CADM2: variants seen among roughly 807,000 people sequenced by gnomAD.
CADM2 encodes cell adhesion molecule 2, also known as immunoglobulin superfamily member 4D.
A neutral mutation model predicts 49.8 loss-of-function variants in CADM2; 12 were observed. The observed-to-expected ratio is 0.24, with a 90% CI of 0.15 to 0.39. The LOEUF (loss-of-function observed/expected upper bound fraction) is 0.39, where lower values mean the gene tolerates loss of function less well. Among genes scored for constraint, CADM2 ranks in the 10% least tolerant of loss-of-function variants. The pLI is 1.00. For missense variants in CADM2, 378 were observed against 492.3 expected (o/e 0.77, Z 2.20); for synonymous variants, 214 against 175.4 (o/e 1.22, Z -1.74).
At chr3:85,244,119 A>T (rs2042594552) in intron 1 of CADM2, among the ~76,000 whole-genome samples, 1 of 152,062 alleles carries the variant, frequency 6.6e-6, no homozygotes, top group Non-Finnish European at 1.5e-5. Flanking sequence ...GCCTACCCTA[A>T]ATTTGGATTT....
At chr3:85,918,517 G>A (rs1341225973) in intron 6 of CADM2, among the ~76,000 whole-genome samples, 1 of 152,268 alleles carries the variant, frequency 6.6e-6, no homozygotes, top group African/African-American at 2.4e-5. Flanking sequence ...CTTGATCATG[G>A]TGGATAAGCT....
At position 86,072,022 on chromosome 3, in the gene CADM2, T is replaced by C. The variant is rs1292230684; in HGVS notation, c.*5239T>C. On this transcript the variant is annotated 3_prime_UTR_variant, in exon 10 of 10. Transcript: ENST00000383699. ...ATTTAAGTATTTTAAAAATCATCCT[T>C]ATTAATAAATAATCCTCATATAATG... 3 of 151,908 alleles carry C rather than the reference T, an allele frequency of 2.0e-5. No individual in the cohort carries two copies. Among genetic ancestry groups the C allele is most frequent in the African/African-American group, 7.2e-5 (3 of 41,414 alleles). 9.4% of individuals were successfully genotyped at this position (151,908 alleles called of 1,614,324 possible).
At chr3:85,708,885 C>G (rs1389827118) in intron 1 of CADM2, among the ~76,000 whole-genome samples, 2 of 151,692 alleles carry the variant, frequency 1.3e-5, no homozygotes, top group Admixed American at 6.6e-5. Context: ...ATGTGTGGGA[C>G]AGTTCAGATT....
At chr3:84,999,088 A>G (rs1392146608) in intron 1 of CADM2, among the ~76,000 whole-genome samples, 1 of 152,146 alleles carries the variant, frequency 6.6e-6, no homozygotes, top group Non-Finnish European at 1.5e-5. Flanking sequence ...TTTCTTTGTG[A>G]AGCTAATTTT....
intron 3 of CADM2, among the ~76,000 whole-genome samples, chr3:85,813,715 A>G (rs542878552): frequency 1.3e-5 from 2 of 152,156 alleles, no homozygotes; most frequent in African/African-American, 2.4e-5. Flanking sequence ...TGTTTTTTGT[A>G]TAAGGTGTAG....
Position 85,153,107 on chromosome 3 carries a change from C to A in CADM2, c.61+193439C>A, listed in dbSNP as rs531368964. ...CCAAGATGGCCAAATAGGAACAGCT[C>A]CAGTCTCCAGCTCCCAGCGTGAGCG... On this transcript the variant is annotated intron_variant, in intron 1 of 9. Transcript: ENST00000383699. Among the ~76,000 whole-genome samples, 21 of 152,270 alleles carry A rather than the reference C, an allele frequency of 1.4e-4. No individual in the cohort carries two copies. The South Asian group carries it at 3.9e-3, about 29-fold the overall frequency.
chr3:85,179,974 A>G (rs988216097), intron 1 of CADM2, among the ~76,000 whole-genome samples: 1 of 152,118 alleles, frequency 6.6e-6, no homozygotes, highest in Non-Finnish European at 1.5e-5. Context: ...TAAAAATGCT[A>G]CAGGCACTGG....
chr3:85,126,451 G>A lies in CADM2; in HGVS notation c.61+166783G>A, dbSNP rs1329290337. ...AAAAAAATCAGAAGTTAGGGAGTTC[G>A]GCAGTTCACATTTAAAATTTTAAAT... On this transcript the variant is annotated intron_variant, in intron 1 of 9. Transcript: ENST00000383699. 3.3e-5 allele frequency among the ~76,000 whole-genome samples: 5 copies of A among 151,944 alleles called. No individual in the cohort carries two copies. In the South Asian group the frequency reaches 8.3e-4, roughly 25 times the overall value.
chr3:85,418,242 T>C (rs1205948096), intron 1 of CADM2, among the ~76,000 whole-genome samples: 1 of 152,058 alleles, frequency 6.6e-6, no homozygotes, highest in Non-Finnish European at 1.5e-5. Flanking sequence ...TCAAAATCCA[T>C]AGAATTTACA....
At chr3:85,399,445 C>A (rs1478490716) in intron 1 of CADM2, among the ~76,000 whole-genome samples, 4 of 152,028 alleles carry the variant, frequency 2.6e-5, no homozygotes, top group African/African-American at 4.8e-5. Flanking sequence ...GCTTAGGATT[C>A]TCTTGGCAAT....
chr3:85,687,384 A>G (rs1434329503), intron 1 of CADM2, among the ~76,000 whole-genome samples: 1 of 152,172 alleles, frequency 6.6e-6, no homozygotes, highest in African/African-American at 2.4e-5. Flanking sequence ...AAGTTAGGAG[A>G]CACAGAAACA....
At chr3:85,627,222 A>C (rs1006715641) in intron 1 of CADM2, among the ~76,000 whole-genome samples, 1 of 152,032 alleles carries the variant, frequency 6.6e-6, no homozygotes, top group South Asian at 2.1e-4. Context: ...ACAATTCAGG[A>C]ACAGTGAAGT....
At chr3:85,968,146 G>T (rs561058165) in intron 8 of CADM2, among the ~76,000 whole-genome samples, 1 of 151,680 alleles carries the variant, frequency 6.6e-6, no homozygotes, top group African/African-American at 2.4e-5. Flanking sequence ...GCAGTAACTA[G>T]TTGGATGATT....
chr3:85,551,027 A>G (rs2061789572), intron 1 of CADM2, among the ~76,000 whole-genome samples: 1 of 152,094 alleles, frequency 6.6e-6, no homozygotes, highest in African/African-American at 2.4e-5. Context: ...TCTGCCACTC[A>G]GGCTGGAGTG....
chr3:85,093,720 A>G (rs6798922), intron 1 of CADM2, among the ~76,000 whole-genome samples: 89,535 of 151,952 alleles, frequency 0.59, 27,247 homozygotes, highest in Middle Eastern at 0.65. Context: ...AAAATCCTGC[A>G]TATCAAATAT....
At chr3:85,228,228 T>G (rs1054015625) in intron 1 of CADM2, among the ~76,000 whole-genome samples, 1 of 152,128 alleles carries the variant, frequency 6.6e-6, no homozygotes, top group South Asian at 2.1e-4. Flanking sequence ...TTTTCCAAGT[T>G]GGTGCCATTC....
chr3:85,816,837 A>G (rs186458340), intron 3 of CADM2, among the ~76,000 whole-genome samples: 18 of 152,346 alleles, frequency 1.2e-4, no homozygotes, highest in Non-Finnish European at 2.4e-4. Context: ...AATATTAGCT[A>G]CTTTTCAATG....
In CADM2 at chr3:85,428,580, A is replaced by G. The variant is rs1182134584; in HGVS notation, c.62-297942A>G. ...ATGATATATATGATATATACATTAT[A>G]CAAAATAAAAATAATATTTATTATA... On this transcript the variant is annotated intron_variant, in intron 1 of 9. Transcript: ENST00000383699. 4.1e-5 allele frequency among the ~76,000 whole-genome samples: 6 copies of G among 146,360 alleles called. No individual in the cohort carries two copies. In the East Asian group the frequency reaches 1.2e-3, roughly 29 times the overall value.
intron 3 of CADM2, among the ~76,000 whole-genome samples, chr3:85,841,140 TAAA>T (rs200554377): frequency 0.01 from 1,582 of 151,974 alleles, 37 homozygotes; most frequent in African/African-American, 0.036. Context: ...TATTATATTA[TAAA>T]CTCTTGATAA....
Sources: gnomAD v4.1 joint callset for allele counts (sites outside exome capture counted in the v4.1 genomes callset) on GRCh38, gnomAD v4.1.1 for gene constraint, MANE v1.5 for transcripts, NCBI Gene and HGNC (gene_info 2026-07-23, HGNC 2026-07-21) for gene names.